Variants in HELZ observed in about 807,000 individuals in gnomAD.
HELZ encodes the protein ATP-dependent RNA helicase with zinc finger domain.
A neutral mutation model predicts 218.2 loss-of-function variants in HELZ; 23 were observed. The observed-to-expected ratio is 0.11, with a 90% confidence interval of 0.08 to 0.15. HELZ has a LOEUF of 0.15. HELZ is among the 10% of genes least tolerant of loss of function. The pLI, the probability that HELZ is intolerant of heterozygous loss-of-function variation, is 1.00. For missense variants in HELZ, 1,813 were observed against 2,353.7 expected, an observed-to-expected ratio of 0.77 and a Z score of 4.75; for synonymous variants, 814 against 829.4, an observed-to-expected ratio of 0.98 and a Z score of 0.32.
At chr17:67,244,822 C>T (rs983522422) in intron 1 of HELZ, 30 of 985,390 alleles carry the variant, frequency 3.0e-5, no homozygotes, top group Non-Finnish European at 3.5e-5. Flanking sequence ...TCCCAGAGTG[C>T]TCTGGGCCGG....
chr17:67,132,210 T>C lies in HELZ; in HGVS notation c.3183-3355A>G, dbSNP rs144459424. On this transcript the variant is annotated intron_variant, in intron 23 of 32. Coordinates refer to ENST00000358691, the MANE Select transcript of HELZ (RefSeq NM_014877.4). ...AACACTAAAAAATCACTTGGTGTCCTTAGGTCACTGTGTGTGTGTGTGTGT... is the reference window on the plus strand; with the variant it reads ...AACACTAAAAAATCACTTGGTGTCCCTAGGTCACTGTGTGTGTGTGTGTGT... Among the ~76,000 whole-genome samples the C allele has an allele frequency of 1.7e-3, 243 of 143,074 alleles. 1 individual carries two copies. Among genetic ancestry groups the C allele is most frequent in the African/African-American group, 6.8e-3 (234 of 34,638 alleles). The allele number at this position is 143,074 out of a possible 152,430, so 93.9% of individuals were successfully genotyped here.
At chr17:67,152,986 A>G (rs765779497) in intron 17 of HELZ, among the ~76,000 whole-genome samples, 22 of 152,150 alleles carry the variant, frequency 1.4e-4, no homozygotes, top group Non-Finnish European at 2.4e-4. Flanking sequence ...AAGACTGACC[A>G]CAGGACTTAA....
At chr17:67,098,546 C>T (rs1036705649) in intron 31 of HELZ, among the ~76,000 whole-genome samples, 1 of 151,134 alleles carries the variant, frequency 6.6e-6, no homozygotes, top group African/African-American at 2.4e-5. Context: ...ACCAGCCTGG[C>T]CAACGTGGTG....
intron 3 of HELZ, among the ~76,000 whole-genome samples, chr17:67,233,367 T>A (rs1333577674): frequency 6.6e-6 from 1 of 152,012 alleles, no homozygotes; most frequent in East Asian, 1.9e-4. Context: ...AATTTAAAAA[T>A]AAAATTAAAA....
At chr17:67,081,094 C>T (rs183341462) in intron 32 of HELZ, among the ~76,000 whole-genome samples, 1 of 152,278 alleles carries the variant, frequency 6.6e-6, no homozygotes, top group East Asian at 1.9e-4. Flanking sequence ...GAAGATAAGC[C>T]ACTTGCCTTG....
chr17:67,245,188 C>G lies in HELZ; in HGVS notation c.-172G>C. On this transcript the variant is annotated 5_prime_UTR_variant, in exon 1 of 33. Transcript: ENST00000358691. ...ACGCCATCTTGGATCCACTTGTCAA[C>G]GTCCCCACAAAGCATTATGGGTAAG... 1.0e-6 allele frequency: 1 copy of G among 985,402 alleles called. No individual in the cohort carries two copies. Among genetic ancestry groups the G allele is most frequent in the Non-Finnish European group, 1.2e-6 (1 of 829,922 alleles). 61.0% of individuals were successfully genotyped at this position (985,402 alleles called of 1,614,324 possible).
chr17:67,232,487 C>G (rs912853647), intron 3 of HELZ, among the ~76,000 whole-genome samples: 4 of 152,298 alleles, frequency 2.6e-5, no homozygotes, highest in African/African-American at 7.2e-5. Context: ...AATAAGTTTT[C>G]ATTGTCATGG....
chr17:67,121,070 G>A (rs1490821923), intron 26 of HELZ, among the ~76,000 whole-genome samples: 1 of 152,034 alleles, frequency 6.6e-6, no homozygotes, highest in African/African-American at 2.4e-5. Context: ...TCAAAAAACT[G>A]GTATTCCAAC....
chr17:67,208,070 A>G (rs2040351292), intron 5 of HELZ, among the ~76,000 whole-genome samples: 1 of 152,260 alleles, frequency 6.6e-6, no homozygotes, highest in East Asian at 1.9e-4. Context: ...CCATCTGAAA[A>G]GGTCATATGC....
chr17:67,178,733 G>T lies in HELZ; in HGVS notation c.1356C>A (p.Thr452=), dbSNP rs774192351. 4 of 1,613,526 alleles carry T rather than the reference G, an allele frequency of 2.5e-6. No homozygotes were observed. Among genetic ancestry groups the T allele is most frequent in the Non-Finnish European group, 2.5e-6 (3 of 1,179,682 alleles). The change falls in exon 13 of 33, where the codon ACC becomes ACA. Residue 452 remains threonine, a synonymous_variant. Coordinates refer to ENST00000358691, the MANE Select transcript of HELZ (RefSeq NM_014877.4). The stretch of plus-strand genomic sequence containing the variant: ...GTAACCGTGACTGATAGTTGCTCTT[G>T]GTCAATGATTTGTCTAAAACGGACT... ...FTQSVLDKSL[T]KSNYQSRLHD...
intron 32 of HELZ, among the ~76,000 whole-genome samples, chr17:67,079,695 C>T (rs1486278259): frequency 6.6e-6 from 1 of 152,202 alleles, no homozygotes; most frequent in Non-Finnish European, 1.5e-5. Context: ...TTGCCTTACC[C>T]AATCACAGCA....
chr17:67,209,884 A>C (rs750167617), intron 5 of HELZ, among the ~76,000 whole-genome samples: 2 of 152,042 alleles, frequency 1.3e-5, no homozygotes, highest in Admixed American at 6.6e-5. Flanking sequence ...TATTTTTTCC[A>C]AAAAAATTTT....
intron 31 of HELZ, among the ~76,000 whole-genome samples, chr17:67,099,752 G>A (rs897333502): frequency 3.3e-5 from 5 of 152,134 alleles, no homozygotes; most frequent in African/African-American, 9.7e-5. Context: ...CTGGGGAAAG[G>A]TCAGCAACTT....
chr17:67,158,461 T>C (rs889854843), intron 17 of HELZ, among the ~76,000 whole-genome samples: 2 of 152,220 alleles, frequency 1.3e-5, no homozygotes, highest in Non-Finnish European at 2.9e-5. Flanking sequence ...TGCTAATAAA[T>C]CTGAACTCAA....
At chr17:67,201,483 C>T (rs2040167381) in intron 6 of HELZ, among the ~76,000 whole-genome samples, 2 of 152,134 alleles carry the variant, frequency 1.3e-5, no homozygotes, top group Admixed American at 1.3e-4. Context: ...CACCACAGAA[C>T]AAGACAGCAT....
intron 31 of HELZ, among the ~76,000 whole-genome samples, chr17:67,098,556 G>A (rs949312306): frequency 6.6e-6 from 1 of 150,536 alleles, no homozygotes; most frequent in Admixed American, 6.6e-5. Context: ...CCAACGTGGT[G>A]AAATCCCGTC....
Position 67,202,000 on chromosome 17 carries a change from C to T in HELZ, c.373-815G>A, listed in dbSNP as rs187293186. Among the ~76,000 whole-genome samples the T allele has an allele frequency of 2.4e-3, 366 of 152,084 alleles. 1 individual carries two copies. Among genetic ancestry groups the T allele is most frequent in the African/African-American group, 8.5e-3 (351 of 41,514 alleles). ...CCAATACATTACACTCAACAATATA[C>T]CAAGTACTTCCCTAACTTCTTTTTT... On this transcript the variant is annotated intron_variant, in intron 6 of 32. Coordinates refer to ENST00000358691, the MANE Select transcript of HELZ (RefSeq NM_014877.4).
chr17:67,117,427 TA>T (rs2037460520), intron 27 of HELZ, among the ~76,000 whole-genome samples: 1 of 151,922 alleles, frequency 6.6e-6, no homozygotes, highest in Non-Finnish European at 1.5e-5. Flanking sequence ...TAAATGAAAA[TA>T]AAAATACAAC....
At chr17:67,240,807 T>G (rs2041297621) in intron 2 of HELZ, among the ~76,000 whole-genome samples, 1 of 152,222 alleles carries the variant, frequency 6.6e-6, no homozygotes, top group South Asian at 2.1e-4. Context: ...ACTGACCCAG[T>G]ACAATTCACA....
Sources: gnomAD v4.1 joint callset for allele counts (sites outside exome capture counted in the v4.1 genomes callset) on GRCh38, gnomAD v4.1.1 for gene constraint, MANE v1.5 for transcripts, NCBI Gene and HGNC (gene_info 2026-07-23, HGNC 2026-07-21) for gene names.